ADAMTS2: variants seen among roughly 807,000 people sequenced by gnomAD.
The protein encoded by ADAMTS2 is ADAM metallopeptidase with thrombospondin type 1 motif 2.
A neutral mutation model predicts 123.0 loss-of-function variants in ADAMTS2; 50 were observed. That is an observed-to-expected ratio of 0.41 (90% CI 0.32 to 0.51). The LOEUF is 0.51. ADAMTS2 is among the 20% of genes least tolerant of loss of function. The pLI, the probability that ADAMTS2 is intolerant of heterozygous loss-of-function variation, is 0.35. For synonymous variants in ADAMTS2, 678 were observed against 695.4 expected, an observed-to-expected ratio of 0.98 and a Z score of 0.39; for missense variants, 1,494 against 1,705.2, an observed-to-expected ratio of 0.88 and a Z score of 2.18.
chr5:179,181,019 GCCCCTCA>G lies in ADAMTS2; in HGVS notation c.975+46_975+52del. On this transcript the variant is annotated intron_variant, in intron 5 of 21. Transcript: ENST00000251582. This position sits in a 1 kb window ranked among gnomAD's most constrained non-coding sequence, Gnocchi z 4.1. ...AAGGAGGCCCATGCCTCACTCCCAG[GCCCCTCA>G]CTCCGAGGGGGTGGAGGCAGGCCCG... is the stretch of plus-strand genomic sequence containing the variant. 1 of 1,397,746 alleles carries G rather than the reference GCCCCTCA, an allele frequency of 7.2e-7. No individual in the cohort carries two copies. The highest frequency in any genetic ancestry group is 1.0e-6 in the Non-Finnish European group (1 of 984,222). The allele number at this position is 1,397,746 out of a possible 1,614,324, so 86.6% of individuals were successfully genotyped here. A position where few individuals can be genotyped will look rare whatever the true frequency, so the allele number is the denominator to read the frequency against.
chr5:179,183,257 T>C (rs1764089800), intron 4 of ADAMTS2, among the ~76,000 whole-genome samples: 1 of 152,210 alleles, frequency 6.6e-6, no homozygotes, highest in Non-Finnish European at 1.5e-5. Flanking sequence ...TCTGTAATTG[T>C]CCACAGTATT....
At chr5:179,245,435 T>A (rs1765760716) in intron 3 of ADAMTS2, among the ~76,000 whole-genome samples, 1 of 152,056 alleles carries the variant, frequency 6.6e-6, no homozygotes, top group African/African-American at 2.4e-5. Context: ...ACCGCAGCAA[T>A]CAAAAACCAA....
At chr5:179,316,967 A>G (rs2113585459) in intron 2 of ADAMTS2, among the ~76,000 whole-genome samples, 1 of 152,304 alleles carries the variant, frequency 6.6e-6, no homozygotes, top group Non-Finnish European at 1.5e-5. Context: ...TAATTTTTTA[A>G]AAAGAATACA....
chr5:179,139,812 G>C, intron 11 of ADAMTS2, 78 bp downstream of exon 11: 1 of 1,593,034 alleles, frequency 6.3e-7, no homozygotes, highest in Non-Finnish European at 8.5e-7. Context: ...GGCCCTCCAG[G>C]ACAGGGCTGG....
intron 2 of ADAMTS2, among the ~76,000 whole-genome samples, chr5:179,311,467 G>A (rs1756830819): frequency 6.6e-6 from 1 of 152,208 alleles, no homozygotes; most frequent in Non-Finnish European, 1.5e-5. Flanking sequence ...CCTGAACAGT[G>A]GACACTGACA....
At position 179,189,980 on chromosome 5, in the gene ADAMTS2, T is replaced by A. The variant is rs1016793680; in HGVS notation, c.892-8825A>T. ...ATTGTTCACAAATTCAATTGATTGA[T>A]CAGCTAGGGTGGGGCAGGAACAGAT... On this transcript the variant is annotated intron_variant, in intron 4 of 21. Coordinates refer to ENST00000251582, the MANE Select transcript of ADAMTS2 (RefSeq NM_014244.5). This position sits in a 1 kb window ranked among gnomAD's most constrained non-coding sequence, Gnocchi z 4.2. 6.6e-6 allele frequency among the ~76,000 whole-genome samples: 1 copy of A among 152,090 alleles called. No individual in the cohort carries two copies. The highest frequency in any genetic ancestry group is 1.5e-5 in the Non-Finnish European group (1 of 68,028).
At chr5:179,119,630 C>A (rs1005545628) in intron 21 of ADAMTS2, among the ~76,000 whole-genome samples, 6 of 152,220 alleles carry the variant, frequency 3.9e-5, no homozygotes, top group Admixed American at 3.9e-4. Context: ...GCCCCTCTCC[C>A]GACCCAGGCT....
chr5:179,204,885 A>AC (rs766795685), intron 4 of ADAMTS2, among the ~76,000 whole-genome samples: 1 of 152,204 alleles, frequency 6.6e-6, no homozygotes, highest in Non-Finnish European at 1.5e-5. Flanking sequence ...CATGACAAGC[A>AC]CACTGTCAAC....
At position 179,202,557 on chromosome 5, in the gene ADAMTS2, G is replaced by A. The variant is rs971734313; in HGVS notation, c.891+4956C>T. 3.9e-5 allele frequency among the ~76,000 whole-genome samples: 6 copies of A among 152,086 alleles called. No individual in the cohort carries two copies. The highest frequency in any genetic ancestry group is 1.9e-4 in the East Asian group (1 of 5,188). Reference sequence around the variant, plus strand: ...CCAGAATGCAAGGTAGCAGGGTTACGTCCTGTCATGCTCACAGCTGCACCC... The same window carrying A: ...CCAGAATGCAAGGTAGCAGGGTTACATCCTGTCATGCTCACAGCTGCACCC... On this transcript the variant is annotated intron_variant, in intron 4 of 21. Transcript: ENST00000251582. The surrounding 1 kb of genome is among the most constrained non-coding windows in gnomAD (Gnocchi z 4.0).
At chr5:179,138,764 C>T (rs997210960) in intron 11 of ADAMTS2, among the ~76,000 whole-genome samples, 2 of 152,162 alleles carry the variant, frequency 1.3e-5, no homozygotes, top group Non-Finnish European at 2.9e-5. Context: ...ACTGCGGGAT[C>T]CCTCCGCGGA....
At chr5:179,137,725 GCCT>G in intron 12 of ADAMTS2, 41 bp downstream of exon 12, 4 of 1,530,720 alleles carry the variant, frequency 2.6e-6, no homozygotes, top group Non-Finnish European at 3.5e-6. Context: ...CCACCCTAGG[GCCT>G]GCCTGCTGAG....
intron 2 of ADAMTS2, among the ~76,000 whole-genome samples, chr5:179,340,599 T>C (rs552920210): frequency 1.3e-5 from 2 of 152,336 alleles, no homozygotes; most frequent in East Asian, 3.9e-4. Flanking sequence ...AGATTTGTGT[T>C]CAAATACTGG....
At chr5:179,277,087 A>G (rs1051712887) in intron 2 of ADAMTS2, among the ~76,000 whole-genome samples, 18 of 151,836 alleles carry the variant, frequency 1.2e-4, no homozygotes, top group African/African-American at 3.9e-4. Context: ...CTGGAAGGGC[A>G]CCCCTGCAGG....
Position 179,285,193 on chromosome 5 carries a change from T to C in ADAMTS2, c.535-12129A>G, listed in dbSNP as rs1755986219. ...AGCAGTGTTACGATCGGGGGTGAGT[T>C]TCACTTTTTATTAATATTTTCTGTA... is the stretch of plus-strand genomic sequence containing the variant. On this transcript the variant is annotated intron_variant, in intron 2 of 21. Transcript: ENST00000251582. This position sits in a 1 kb window ranked among gnomAD's most constrained non-coding sequence, Gnocchi z 4.9. 6.6e-6 allele frequency among the ~76,000 whole-genome samples: 1 copy of C among 152,184 alleles called. No individual in the cohort carries two copies. The highest frequency in any genetic ancestry group is 1.5e-5 in the Non-Finnish European group (1 of 68,030).
intron 2 of ADAMTS2, among the ~76,000 whole-genome samples, chr5:179,320,599 T>C (rs1581272956): frequency 6.6e-6 from 1 of 152,116 alleles, no homozygotes; most frequent in African/African-American, 2.4e-5. Context: ...ATTACAGGCA[T>C]GAGCCACTGT....
intron 3 of ADAMTS2, among the ~76,000 whole-genome samples, chr5:179,208,476 G>A (rs141824918): frequency 2.0e-3 from 299 of 152,294 alleles, no homozygotes; most frequent in Non-Finnish European, 3.3e-3. Context: ...AGTCGGCCCT[G>A]GGCAGGCACT....
chr5:179,341,385 A>C (rs1757768640), intron 2 of ADAMTS2: 1 of 377,230 alleles, frequency 2.7e-6, no homozygotes, highest in Admixed American at 3.4e-5. Context: ...AGGAAAGAGA[A>C]GAGAAGAGAA....
rs1756916863 is a variant in ADAMTS2 at position 179,314,297 on chromosome 5, G to T, written c.534+29470C>A. Among the ~76,000 whole-genome samples the T allele has an allele frequency of 6.6e-6, 1 of 152,328 alleles. No individual in the cohort carries two copies. The highest frequency in any genetic ancestry group is 1.9e-4 in the East Asian group (1 of 5,174). ...AAGCACCTCTCGCCAGCCATCTGGGGCTTGGCTGGGCCTCAGCCTCCTGGC... is the reference window on the plus strand; with the variant it reads ...AAGCACCTCTCGCCAGCCATCTGGGTCTTGGCTGGGCCTCAGCCTCCTGGC... On this transcript the variant is annotated intron_variant, in intron 2 of 21. Transcript: ENST00000251582. The surrounding 1 kb of genome is among the most constrained non-coding windows in gnomAD (Gnocchi z 4.5).
chr5:179,156,111 C>T (rs564221751), intron 6 of ADAMTS2, among the ~76,000 whole-genome samples: 34 of 152,206 alleles, frequency 2.2e-4, no homozygotes, highest in Admixed American at 6.5e-5. Flanking sequence ...CATCTGCCTC[C>T]GTGGGAGGCT....
Sources: allele counts gnomAD v4.1 joint callset (sites outside exome capture counted in the v4.1 genomes callset), GRCh38; gene constraint gnomAD v4.1.1; non-coding constraint Gnocchi (gnomAD v3.1); transcripts MANE v1.5; gene names NCBI Gene and HGNC (gene_info 2026-07-23, HGNC 2026-07-21).